The following DNAAF9 variants were observed in gnomAD, a reference collection of about 807,000 sequenced individuals.
DNAAF9 encodes shulin.
A neutral mutation model predicts 167.0 loss-of-function variants in DNAAF9; 90 were observed. That is an observed-to-expected ratio of 0.54 (90% confidence interval 0.45 to 0.64). The LOEUF (loss-of-function observed/expected upper bound fraction) is 0.64. Ranked by LOEUF, DNAAF9 falls within the 30% of genes least tolerant of loss-of-function variation. The pLI is 0.00. For missense variants in DNAAF9, 1,315 were observed against 1,442.2 expected (o/e 0.91, Z 1.43); for synonymous variants, 491 against 508.8 (o/e 0.96, Z 0.47).
At chr20:3,368,793 C>T (rs1468421139) in intron 6 of DNAAF9, among the ~76,000 whole-genome samples, 1 of 150,166 alleles carries the variant, frequency 6.7e-6, no homozygotes, top group East Asian at 2.1e-4. Context: ...GCTGGGATTA[C>T]AGGCATGAGC....
At chr20:3,358,764 T>C (rs2083322457) in intron 7 of DNAAF9, among the ~76,000 whole-genome samples, 4 of 152,238 alleles carry the variant, frequency 2.6e-5, no homozygotes, top group African/African-American at 9.6e-5. Flanking sequence ...TCTTGGTTGT[T>C]AAATATTGTT....
rs1168801569 is a variant in DNAAF9 at position 3,249,518 on chromosome 20, T to C, written c.*3054A>G. 1 of 152,254 alleles carries C rather than the reference T, an allele frequency of 6.6e-6. No individual in the cohort carries two copies. The highest frequency in any genetic ancestry group is 1.5e-5 in the Non-Finnish European group (1 of 68,042). 9.4% of individuals were successfully genotyped at this position (152,254 alleles called of 1,614,324 possible). On this transcript the variant is annotated 3_prime_UTR_variant, in exon 37 of 37. Coordinates refer to ENST00000252032, the MANE Select transcript of DNAAF9 (RefSeq NM_001009984.3). ...AGTTTCACTGAAGTTACAGTAGTGT[T>C]TGTAAATACGAGTTTTAAAATTTAA...
At chr20:3,350,166 C>G (rs1181765915) in intron 7 of DNAAF9, among the ~76,000 whole-genome samples, 1 of 150,962 alleles carries the variant, frequency 6.6e-6, no homozygotes, top group African/African-American at 2.4e-5. Context: ...GACACACACA[C>G]ACACACACAC....
intron 30 of DNAAF9, among the ~76,000 whole-genome samples, chr20:3,268,342 T>A (rs914673268): frequency 6.6e-6 from 1 of 150,494 alleles, no homozygotes; most frequent in Non-Finnish European, 1.5e-5. Flanking sequence ...GCCCCTTTTT[T>A]TTTTTGAGAT....
At chr20:3,286,728 C>G (rs1314691508) in intron 27 of DNAAF9, among the ~76,000 whole-genome samples, 1 of 152,176 alleles carries the variant, frequency 6.6e-6, no homozygotes, top group East Asian at 1.9e-4. Context: ...ACTCTCCCAG[C>G]TTTGCTCCAA....
chr20:3,353,709 A>G (rs1600843601), intron 7 of DNAAF9, among the ~76,000 whole-genome samples: 2 of 147,346 alleles, frequency 1.4e-5, no homozygotes, highest in African/African-American at 5.0e-5. Context: ...AAACAGACTC[A>G]GGAGGTATAT....
At chr20:3,310,102 G>C (rs756303461) in intron 20 of DNAAF9, among the ~76,000 whole-genome samples, 17 of 151,886 alleles carry the variant, frequency 1.1e-4, no homozygotes, top group Admixed American at 2.6e-4. Context: ...TGAGGCAGGG[G>C]AATCGCTTAA....
intron 20 of DNAAF9, among the ~76,000 whole-genome samples, chr20:3,314,233 G>C (rs2069463134): frequency 6.6e-6 from 1 of 152,026 alleles, no homozygotes; most frequent in African/African-American, 2.4e-5. Context: ...TGAGATTTAG[G>C]ACTTTGAACT....
chr20:3,386,076 C>G (rs1226540544), intron 1 of DNAAF9, among the ~76,000 whole-genome samples: 1 of 152,148 alleles, frequency 6.6e-6, no homozygotes, highest in Non-Finnish European at 1.5e-5. Flanking sequence ...CACTTGAGTT[C>G]AGGAGTTCGA....
intron 30 of DNAAF9, among the ~76,000 whole-genome samples, chr20:3,270,151 T>TC (rs1276939173): frequency 6.7e-6 from 1 of 150,044 alleles, no homozygotes; most frequent in Non-Finnish European, 1.5e-5. Flanking sequence ...TTTTTTTTTT[T>TC]TTTTAAAGAG....
intron 27 of DNAAF9, among the ~76,000 whole-genome samples, chr20:3,287,129 G>C (rs2068865600): frequency 6.6e-6 from 1 of 152,174 alleles, no homozygotes; most frequent in East Asian, 1.9e-4. Flanking sequence ...TATAATCATA[G>C]TTCTGCACAC....
chr20:3,275,928 C>T (rs748192589), intron 29 of DNAAF9, among the ~76,000 whole-genome samples: 4 of 152,200 alleles, frequency 2.6e-5, no homozygotes, highest in Non-Finnish European at 4.4e-5. Context: ...CTTCTATCTA[C>T]AGATGCTTTT....
intron 20 of DNAAF9, among the ~76,000 whole-genome samples, chr20:3,309,752 T>C (rs1194522014): frequency 1.3e-5 from 2 of 152,170 alleles, no homozygotes; most frequent in Non-Finnish European, 1.5e-5. Context: ...ATGAATCACA[T>C]AGGAAATGAT....
Position 3,308,683 on chromosome 20 carries a change from G to A in DNAAF9, c.1679-4140C>T, listed in dbSNP as rs1241904710. 2.0e-5 allele frequency among the ~76,000 whole-genome samples: 3 copies of A among 151,698 alleles called. No individual in the cohort carries two copies. The East Asian group carries it at 5.9e-4, about 30-fold the overall frequency. ...TAAAGTGTCCCTCCAGCCAGGTGCGGTGGCTCCCTCCAGCCAGGTACAGTG... is the reference window on the plus strand; with the variant it reads ...TAAAGTGTCCCTCCAGCCAGGTGCGATGGCTCCCTCCAGCCAGGTACAGTG... On this transcript the variant is annotated intron_variant, in intron 20 of 36. Transcript: ENST00000252032.
intron 20 of DNAAF9, among the ~76,000 whole-genome samples, chr20:3,312,569 T>C (rs2069433629): frequency 2.6e-5 from 4 of 152,122 alleles, no homozygotes; most frequent in Admixed American, 2.6e-4. Flanking sequence ...TGGGAACAGA[T>C]AAATTTCAAA....
At chr20:3,405,105 C>T (rs1443983865) in intron 1 of DNAAF9, among the ~76,000 whole-genome samples, 1 of 152,166 alleles carries the variant, frequency 6.6e-6, no homozygotes, top group African/African-American at 2.4e-5. Flanking sequence ...ACTCTTAAGG[C>T]CATACCTAAC....
At chr20:3,371,124 A>AT (rs1169535525) in intron 6 of DNAAF9, among the ~76,000 whole-genome samples, 1 of 151,468 alleles carries the variant, frequency 6.6e-6, no homozygotes, top group South Asian at 2.1e-4. Context: ...AACTGATTAG[A>AT]TTTTTTATAT....
Position 3,407,602 on chromosome 20 carries a change from G to T in DNAAF9, c.-45C>A. On this transcript the variant is annotated 5_prime_UTR_variant, in exon 1 of 37. Transcript: ENST00000252032. The stretch of plus-strand genomic sequence containing the variant: ...CGGAGGAGGACGGTGCAGCTGCGAG[G>T]GTCTCAGTTGCCCGCAGGGCGGCTC... The T allele has an allele frequency of 7.4e-6, 9 of 1,211,024 alleles. No individual in the cohort carries two copies. Among genetic ancestry groups the T allele is most frequent in the Non-Finnish European group, 8.2e-6 (8 of 974,508 alleles). 75.0% of individuals were successfully genotyped at this position (1,211,024 alleles called of 1,614,324 possible). A position where few individuals can be genotyped will look rare whatever the true frequency, so the allele number is the denominator to read the frequency against.
chr20:3,387,884 TAAAA>T lies in DNAAF9; in HGVS notation c.84-5382_84-5379del, dbSNP rs557861791. Among the ~76,000 whole-genome samples, 741 of 87,274 alleles carry T rather than the reference TAAAA, an allele frequency of 8.5e-3. 2 individuals are homozygous for T. Among genetic ancestry groups the T allele is most frequent in the African/African-American group, 0.02 (413 of 20,734 alleles). The allele number at this position is 87,274 out of a possible 152,430, so 57.3% of individuals were successfully genotyped here. On this transcript the variant is annotated intron_variant, in intron 1 of 36. Transcript: ENST00000252032. ...AGGGAGACCCTGTCTCTACAAAAAGTAAAAAAAAAAAAAAAAAAAAAAAAAAAAA... is the reference window on the plus strand; with the variant it reads ...AGGGAGACCCTGTCTCTACAAAAAGTAAAAAAAAAAAAAAAAAAAAAAAAA...
Sources: gnomAD v4.1 joint callset for allele counts (sites outside exome capture counted in the v4.1 genomes callset) on GRCh38, gnomAD v4.1.1 for gene constraint, MANE v1.5 for transcripts, NCBI Gene and HGNC (gene_info 2026-07-23, HGNC 2026-07-21) for gene names.